Variants in ASB3 observed in about 807,000 individuals in gnomAD.
ASB3 encodes the protein ankyrin repeat and SOCS box containing 3.
In ASB3, 41 loss-of-function variants were observed where a neutral mutation model predicts 54.5. The ratio of observed to expected loss-of-function variants is 0.75; its 90% CI spans 0.59 to 0.98. The LOEUF is 0.98. Ranked by LOEUF, ASB3 falls within the 50% of genes least tolerant of loss-of-function variation. The pLI, the probability that ASB3 is intolerant of heterozygous loss-of-function variation, is 0.00. For missense variants in ASB3, 733 were observed against 620.0 expected (o/e 1.18, Z -1.94); for synonymous variants, 266 against 221.2 (o/e 1.20, Z -1.80).
chr2:53,692,390 G>T (rs994672687), intron 9 of ASB3, among the ~76,000 whole-genome samples: 2 of 152,148 alleles, frequency 1.3e-5, no homozygotes, highest in African/African-American at 4.8e-5. Context: ...CTGGAAACAA[G>T]AAAAGAGGGC....
At chr2:53,680,749 C>CA (rs2103662531) in intron 9 of ASB3, among the ~76,000 whole-genome samples, 1 of 152,232 alleles carries the variant, frequency 6.6e-6, no homozygotes, top group East Asian at 1.9e-4. Flanking sequence ...TATACTCTTT[C>CA]ACTTGTTGAA....
intron 2 of ASB3, among the ~76,000 whole-genome samples, chr2:53,754,826 A>G (rs146525785): frequency 2.6e-4 from 39 of 152,348 alleles, no homozygotes; most frequent in African/African-American, 8.2e-4. Context: ...TAAAGTCTCC[A>G]AAGTATCATT....
At chr2:53,716,208 G>C (rs983680592) in intron 6 of ASB3, among the ~76,000 whole-genome samples, 5 of 152,318 alleles carry the variant, frequency 3.3e-5, no homozygotes, top group African/African-American at 1.2e-4. Flanking sequence ...TGGGGTCAGA[G>C]AGGTAACATG....
intron 9 of ASB3, among the ~76,000 whole-genome samples, chr2:53,677,330 C>G (rs1668134182): frequency 6.6e-6 from 1 of 152,192 alleles, no homozygotes; most frequent in Non-Finnish European, 1.5e-5. Context: ...ATACACCTCA[C>G]TGTATCTCTT....
intron 1 of ASB3, among the ~76,000 whole-genome samples, chr2:53,776,817 T>C (rs1399906890): frequency 6.6e-6 from 1 of 152,124 alleles, no homozygotes; most frequent in Non-Finnish European, 1.5e-5. Context: ...AGACCCTGTC[T>C]CAAAAAACTA....
chr2:53,699,395 A>G (rs1382166774), intron 8 of ASB3, among the ~76,000 whole-genome samples: 3 of 152,218 alleles, frequency 2.0e-5, no homozygotes. Flanking sequence ...ATAAATTAGA[A>G]ACCAGAAAGG....
At position 53,767,948 on chromosome 2, in the gene ASB3, T is replaced by C. The variant is rs770336088; in HGVS notation, c.-13-2363A>G. The C allele has an allele frequency of 1.9e-6, 3 of 1,614,128 alleles. No individual in the cohort carries two copies. The South Asian group carries it at 3.3e-5, about 18-fold the overall frequency. On this transcript the variant is annotated intron_variant, in intron 1 of 9. Coordinates refer to ENST00000263634, the MANE Select transcript of ASB3 (RefSeq NM_016115.5). ...GTGGATTTCCCCTATCAGGACAAGC[T>C]GGTCGGATACATCACCAACTACAGC...
chr2:53,712,360 A>T (rs1489444190), intron 7 of ASB3, among the ~76,000 whole-genome samples: 2 of 152,214 alleles, frequency 1.3e-5, no homozygotes, highest in Non-Finnish European at 2.9e-5. Flanking sequence ...CAGTAAGTTT[A>T]ACAGGATCTA....
intron 8 of ASB3, among the ~76,000 whole-genome samples, chr2:53,697,857 G>A (rs1669271138): frequency 6.6e-6 from 1 of 152,132 alleles, no homozygotes; most frequent in Non-Finnish European, 1.5e-5. Context: ...ACTTTGCTAG[G>A]CTCAGTCCCA....
intron 5 of ASB3, among the ~76,000 whole-genome samples, chr2:53,725,492 T>C (rs1670945215): frequency 6.6e-6 from 1 of 152,228 alleles, no homozygotes; most frequent in African/African-American, 2.4e-5. Context: ...TTAAATTATA[T>C]ATACGCCATT....
intron 5 of ASB3, among the ~76,000 whole-genome samples, chr2:53,727,531 T>C (rs1193348028): frequency 1.3e-5 from 2 of 152,056 alleles, no homozygotes; most frequent in African/African-American, 2.4e-5. Flanking sequence ...AGCTATTTGG[T>C]AGGCTAAAGG....
intron 3 of ASB3, among the ~76,000 whole-genome samples, chr2:53,730,530 T>A (rs768555164): frequency 3.3e-5 from 5 of 152,164 alleles, no homozygotes; most frequent in Non-Finnish European, 5.9e-5. Context: ...ATCTTTACAG[T>A]AGAATGATTT....
chr2:53,772,816 C>A (rs1223025687), intron 1 of ASB3, among the ~76,000 whole-genome samples: 1 of 152,074 alleles, frequency 6.6e-6, no homozygotes, highest in East Asian at 1.9e-4. Context: ...CAGGTATTAA[C>A]ATTAAGCCTA....
At chr2:53,782,137 A>G (rs145612078) in intron 1 of ASB3, among the ~76,000 whole-genome samples, 2 of 152,310 alleles carry the variant, frequency 1.3e-5, no homozygotes, top group African/African-American at 4.8e-5. Context: ...TGATCATGCA[A>G]CTGCACTCTA....
At chr2:53,772,220 G>A (rs1015447737) in intron 1 of ASB3, among the ~76,000 whole-genome samples, 1 of 152,068 alleles carries the variant, frequency 6.6e-6, no homozygotes, top group Non-Finnish European at 1.5e-5. Flanking sequence ...TGTCGCCCAG[G>A]CTGGAGTGCA....
At chr2:53,747,687 A>G (rs1306455903) in intron 3 of ASB3, among the ~76,000 whole-genome samples, 2 of 152,186 alleles carry the variant, frequency 1.3e-5, no homozygotes, top group East Asian at 3.9e-4. Flanking sequence ...TGGGAGTTAC[A>G]ACAGTGAACA....
At chr2:53,736,038 T>C (rs889928209) in intron 3 of ASB3, among the ~76,000 whole-genome samples, 2 of 149,174 alleles carry the variant, frequency 1.3e-5, no homozygotes, top group African/African-American at 2.5e-5. Context: ...TACAAACTGA[T>C]CTTGGAATAG....
At chr2:53,682,661 G>C (rs555915372) in intron 9 of ASB3, among the ~76,000 whole-genome samples, 1 of 152,150 alleles carries the variant, frequency 6.6e-6, no homozygotes, top group Admixed American at 6.5e-5. Context: ...ATTTTTAGTA[G>C]AGATGGGGTT....
At chr2:53,687,424 T>C (rs1275078857) in intron 9 of ASB3, among the ~76,000 whole-genome samples, 1 of 152,224 alleles carries the variant, frequency 6.6e-6, no homozygotes, top group East Asian at 1.9e-4. Context: ...TGAAAGGTCA[T>C]GTGTCCAGTT....
Sources: gnomAD v4.1 joint callset for allele counts (sites outside exome capture counted in the v4.1 genomes callset) on GRCh38, gnomAD v4.1.1 for gene constraint, MANE v1.5 for transcripts, NCBI Gene and HGNC (gene_info 2026-07-23, HGNC 2026-07-21) for gene names.